Variants in EML4 observed in about 807,000 individuals in gnomAD.
The protein encoded by EML4 is echinoderm microtubule-associated protein-like 4.
A neutral mutation model predicts 129.0 loss-of-function variants in EML4; 72 were observed. The observed-to-expected ratio is 0.56, with a 90% CI of 0.46 to 0.68. EML4 has a LOEUF of 0.68. Among genes scored for constraint, EML4 ranks in the 30% least tolerant of loss-of-function variants. The pLI, the probability that EML4 is intolerant of heterozygous loss-of-function variation, is 0.00. For synonymous variants in EML4, 532 were observed against 405.0 expected, an observed-to-expected ratio of 1.31 and a Z score of -3.77; for missense variants, 1,363 against 1,190.6, an observed-to-expected ratio of 1.14 and a Z score of -2.13.
At chr2:42,191,859 C>T (rs1671602464) in intron 1 of EML4, among the ~76,000 whole-genome samples, 1 of 151,818 alleles carries the variant, frequency 6.6e-6, no homozygotes, top group Non-Finnish European at 1.5e-5. Flanking sequence ...CAATAAGAAA[C>T]CTGGCCGGGC....
chr2:42,171,214 G>C (rs1670257134), intron 1 of EML4, among the ~76,000 whole-genome samples: 1 of 152,178 alleles, frequency 6.6e-6, no homozygotes, highest in Non-Finnish European at 1.5e-5. Context: ...CGAAAAACTT[G>C]TCCTATATGT....
intron 5 of EML4, among the ~76,000 whole-genome samples, chr2:42,264,402 G>A (rs534242607): frequency 6.0e-4 from 91 of 152,316 alleles, no homozygotes; most frequent in African/African-American, 2.0e-3. Flanking sequence ...ACAGGTGTGA[G>A]CCACTGTGCC....
chr2:42,231,309 C>T (rs951087429), intron 1 of EML4, among the ~76,000 whole-genome samples: 5 of 152,180 alleles, frequency 3.3e-5, no homozygotes, highest in Admixed American at 1.3e-4. Context: ...AACTTTGGCC[C>T]TATTCCTTTC....
In EML4 at chr2:42,286,364, G is replaced by C. The variant is rs754844709; in HGVS notation, c.1107G>C (p.Leu369=). The change falls in exon 10 of 23, where the codon CTG becomes CTC. Residue 369 remains leucine, a synonymous_variant. Coordinates refer to ENST00000318522, the MANE Select transcript of EML4 (RefSeq NM_019063.5). ...LGTFERGVGC[L]DFSKADSGVH... ...CTTTTGAGCGTGGAGTAGGATGCCT[G>C]GATTTTTCAAAAGCAGTAAGTAACA... 10 of 1,608,856 alleles carry C rather than the reference G, an allele frequency of 6.2e-6. No homozygotes were observed. The East Asian group carries it at 1.8e-4, about 29-fold the overall frequency.
At chr2:42,207,642 A>G in intron 1 of EML4, among the ~76,000 whole-genome samples, 1 of 152,166 alleles carries the variant, frequency 6.6e-6, no homozygotes, top group East Asian at 1.9e-4. Context: ...AGCTTTCCTG[A>G]ACGTAAGTGG....
rs1182472574 is a variant in EML4, at chr2:42,279,539, G to A, written c.668-1311G>A. Among the ~76,000 whole-genome samples the A allele has an allele frequency of 8.6e-5, 13 of 151,562 alleles. No homozygotes were observed. The South Asian group carries it at 2.7e-3, about 32-fold the overall frequency. On this transcript the variant is annotated intron_variant, in intron 6 of 22. Transcript: ENST00000318522. ...GTGGCGCGATCTTGGCTCACTGCAA[G>A]CTCCACCTCCCAGGTTCACGCCATT... is the stretch of plus-strand genomic sequence containing the variant.
rs146863918 is a variant in EML4 at position 42,278,448 on chromosome 2, C to G, written c.668-2402C>G. ...AATGAGCCAGTTGTGATGGTGCATG[C>G]CTGTAATCCCAGCTACTTGGGAGGC... On this transcript the variant is annotated intron_variant, in intron 6 of 22. Coordinates refer to ENST00000318522, the MANE Select transcript of EML4 (RefSeq NM_019063.5). 6.5e-3 allele frequency among the ~76,000 whole-genome samples: 989 copies of G among 152,118 alleles called. 12 individuals carry two copies. The highest frequency in any genetic ancestry group is 0.02 in the African/African-American group (848 of 41,492).
At chr2:42,182,768 T>C (rs778895706) in intron 1 of EML4, among the ~76,000 whole-genome samples, 1 of 152,208 alleles carries the variant, frequency 6.6e-6, no homozygotes, top group Non-Finnish European at 1.5e-5. Context: ...AAACATATTT[T>C]CTCACAGTTC....
chr2:42,263,398 CTTTTTTTT>C (rs67401314), intron 5 of EML4, 92 bp downstream of exon 5: 205 of 240,532 alleles, frequency 8.5e-4, no homozygotes, highest in East Asian at 2.3e-3. Flanking sequence ...TGGTTTGAAT[CTTTTTTTT>C]TTTTTTTTTT....
intron 1 of EML4, among the ~76,000 whole-genome samples, chr2:42,206,082 T>C (rs897205675): frequency 1.3e-5 from 2 of 152,244 alleles, no homozygotes; most frequent in Admixed American, 1.3e-4. Flanking sequence ...ACATTTCTTA[T>C]AAAAGTAAGT....
chr2:42,293,823 C>A (rs1434954096), intron 11 of EML4, among the ~76,000 whole-genome samples: 1 of 152,152 alleles, frequency 6.6e-6, no homozygotes, highest in Non-Finnish European at 1.5e-5. Flanking sequence ...CTTGGCCAGG[C>A]TGATCTTGAA....
At chr2:42,256,953 C>T (rs1231284829) in intron 3 of EML4, among the ~76,000 whole-genome samples, 1 of 152,142 alleles carries the variant, frequency 6.6e-6, no homozygotes, top group East Asian at 1.9e-4. Flanking sequence ...CTGAATTTTC[C>T]ATAGCAAGTG....
At chr2:42,200,975 GA>G (rs1672197887) in intron 1 of EML4, among the ~76,000 whole-genome samples, 2 of 152,124 alleles carry the variant, frequency 1.3e-5, no homozygotes, top group Non-Finnish European at 2.9e-5. Flanking sequence ...ATGACCCTAA[GA>G]AATTAAGTGA....
At chr2:42,226,966 A>T (rs562938003) in intron 1 of EML4, among the ~76,000 whole-genome samples, 1 of 152,244 alleles carries the variant, frequency 6.6e-6, no homozygotes, top group Non-Finnish European at 1.5e-5. Flanking sequence ...TAGTAGCAGT[A>T]TCCCACAAAA....
At position 42,330,949 on chromosome 2, in the gene EML4, A is replaced by G. The variant is rs1345502009; in HGVS notation, c.*742A>G. 1 of 205,064 alleles carries G rather than the reference A, an allele frequency of 4.9e-6. No individual in the cohort carries two copies. The highest frequency in any genetic ancestry group is 7.5e-5 in the East Asian group (1 of 13,284). The allele number at this position is 205,064 out of a possible 1,614,324, so 12.7% of individuals were successfully genotyped here. On this transcript the variant is annotated 3_prime_UTR_variant, in exon 23 of 23. Transcript: ENST00000318522. Reference sequence around the variant, plus strand: ...CTTTCAATGTATATTAAAACCTTCAATACTCAGAAATGATGGATTCCTCCA... The same window carrying G: ...CTTTCAATGTATATTAAAACCTTCAGTACTCAGAAATGATGGATTCCTCCA...
intron 1 of EML4, among the ~76,000 whole-genome samples, chr2:42,200,662 C>T (rs1375549634): frequency 6.6e-6 from 1 of 152,190 alleles, no homozygotes; most frequent in Non-Finnish European, 1.5e-5. Flanking sequence ...AGACAGTAAT[C>T]CTCAAGTTCA....
chr2:42,302,054 C>G (rs1668313411), intron 14 of EML4, among the ~76,000 whole-genome samples: 1 of 152,040 alleles, frequency 6.6e-6, no homozygotes. Context: ...ATTTCAGAAT[C>G]ATTCTTTGAG....
At chr2:42,329,511 A>G (rs1313362364) in intron 22 of EML4, among the ~76,000 whole-genome samples, 1 of 152,176 alleles carries the variant, frequency 6.6e-6, no homozygotes, top group Non-Finnish European at 1.5e-5. Flanking sequence ...TAGTGTGAAA[A>G]TACAGAGATG....
chr2:42,247,811 T>A (rs1414189503), intron 2 of EML4, among the ~76,000 whole-genome samples: 2 of 152,044 alleles, frequency 1.3e-5, no homozygotes. Context: ...GATCTGTTAA[T>A]GTATATGGGC....
Sources: gnomAD v4.1 joint callset for allele counts (sites outside exome capture counted in the v4.1 genomes callset) on GRCh38, gnomAD v4.1.1 for gene constraint, MANE v1.5 for transcripts, NCBI Gene and HGNC (gene_info 2026-07-23, HGNC 2026-07-21) for gene names.